Variants in TNFSF13B observed in about 807,000 individuals in gnomAD.
TNFSF13B encodes TNF superfamily member 13b.
A neutral mutation model predicts 29.1 loss-of-function variants in TNFSF13B; 8 were observed. That is an observed-to-expected ratio of 0.27 (90% CI 0.16 to 0.50). The LOEUF is 0.50. Ranked by LOEUF, TNFSF13B falls within the 20% of genes least tolerant of loss-of-function variation. The pLI is 0.98. For synonymous variants in TNFSF13B, 125 were observed against 130.8 expected, an observed-to-expected ratio of 0.96 and a Z score of 0.30; for missense variants, 248 against 334.9, an observed-to-expected ratio of 0.74 and a Z score of 2.03.
chr13:108,287,391 A>C (rs924069873), intron 3 of TNFSF13B, among the ~76,000 whole-genome samples: 1 of 152,238 alleles, frequency 6.6e-6, no homozygotes, highest in Admixed American at 6.5e-5. Context: ...CAGCCATCTC[A>C]GAACTTCTTA....
intron 2 of TNFSF13B, among the ~76,000 whole-genome samples, chr13:108,276,609 T>C (rs1209839663): frequency 6.6e-6 from 1 of 152,144 alleles, no homozygotes; most frequent in Non-Finnish European, 1.5e-5. Flanking sequence ...GGTAAATATG[T>C]TGAAAAAGTG....
At position 108,269,917 on chromosome 13, in the gene TNFSF13B, G is replaced by A. The variant is rs1880561031; in HGVS notation, c.22G>A (p.Glu8Lys). 1.9e-6 allele frequency: 3 copies of A among 1,611,244 alleles called. No homozygotes were observed. Among genetic ancestry groups the A allele is most frequent in the East Asian group, 2.2e-5 (1 of 44,882 alleles). MDDSTER[E>K]QSRLTSCLKK... Reference sequence around the variant, plus strand: ...TGATATGGATGACTCCACAGAAAGGGAGCAGTCACGCCTTACTTCTTGCCT... The same window carrying A: ...TGATATGGATGACTCCACAGAAAGGAAGCAGTCACGCCTTACTTCTTGCCT... The change falls in exon 1 of 6, where the codon GAG becomes AAG. Residue 8 changes from glutamate to lysine, a missense_variant. Around this residue, in one of 2 missense-constraint regions of TNFSF13B, gnomAD observed 186 missense variants for 196.3 expected, o/e 0.95. Coordinates refer to ENST00000375887, the MANE Select transcript of TNFSF13B (RefSeq NM_006573.5).
At chr13:108,278,578 C>CT (rs140270344) in intron 2 of TNFSF13B, among the ~76,000 whole-genome samples, 1 of 1,648 alleles carries the variant, frequency 6.1e-4, no homozygotes, top group Non-Finnish European at 1.3e-3. Context: ...ACCCCCTCCT[C>CT]TCCTCCTCCT....
Position 108,294,939 on chromosome 13 carries a change from T to C in TNFSF13B, c.481+8080T>C, listed in dbSNP as rs954647061. Among the ~76,000 whole-genome samples, 8 of 145,242 alleles carry C rather than the reference T, an allele frequency of 5.5e-5. 1 individual carries two copies. Among genetic ancestry groups the C allele is most frequent in the African/African-American group, 2.1e-4 (8 of 38,590 alleles). ...TATTTTTGAGTCAGTTTTGGTAGTT[T>C]GTGTGTTTCTAGGAATTTGTCCCAT... On this transcript the variant is annotated intron_variant, in intron 3 of 5. Transcript: ENST00000375887.
intron 2 of TNFSF13B, among the ~76,000 whole-genome samples, chr13:108,284,449 C>G (rs549041120): frequency 2.0e-5 from 3 of 152,302 alleles, no homozygotes; most frequent in South Asian, 2.1e-4. Flanking sequence ...CCTTTATCAG[C>G]TGCAGTTGGG....
chr13:108,296,581 A>G lies in TNFSF13B; in HGVS notation c.482-6672A>G. On this transcript the variant is annotated intron_variant, in intron 3 of 5. Transcript: ENST00000375887. ...TTATTTTACCAATCTCTGTATTTTA[A>G]TTGCCAAATTTAAATTTAGCTCATT... Among the ~76,000 whole-genome samples the G allele has an allele frequency of 1.4e-5, 2 of 145,914 alleles. 1 individual carries two copies. Among genetic ancestry groups the G allele is most frequent in the Non-Finnish European group, 3.0e-5 (2 of 65,626 alleles).
chr13:108,271,651 A>G (rs955394167), intron 2 of TNFSF13B, among the ~76,000 whole-genome samples: 1 of 152,186 alleles, frequency 6.6e-6, no homozygotes, highest in Non-Finnish European at 1.5e-5. Context: ...ATTAGGAAAC[A>G]TGCACATTTT....
chr13:108,292,387 T>C (rs1228788853), intron 3 of TNFSF13B, among the ~76,000 whole-genome samples: 2 of 152,148 alleles, frequency 1.3e-5, no homozygotes, highest in African/African-American at 2.4e-5. Context: ...TTTCCACCTT[T>C]TGGCTATTGT....
At chr13:108,290,612 TA>T (rs1487631337) in intron 3 of TNFSF13B, among the ~76,000 whole-genome samples, 2 of 152,162 alleles carry the variant, frequency 1.3e-5, no homozygotes, top group African/African-American at 4.8e-5. Flanking sequence ...CATCTGTTCA[TA>T]TTTTTTTCCA....
chr13:108,284,409 T>C (rs1436771431), intron 2 of TNFSF13B, among the ~76,000 whole-genome samples: 1 of 151,912 alleles, frequency 6.6e-6, no homozygotes. Context: ...ACAAAAGAAA[T>C]AGGAAGTCAT....
intron 3 of TNFSF13B, among the ~76,000 whole-genome samples, chr13:108,292,262 A>T (rs1046367806): frequency 1.6e-4 from 24 of 152,170 alleles, no homozygotes; most frequent in African/African-American, 5.8e-4. Context: ...TTCACTTAGC[A>T]TGATGTTTTG....
At chr13:108,276,055 G>A (rs1345042775) in intron 2 of TNFSF13B, among the ~76,000 whole-genome samples, 1 of 152,172 alleles carries the variant, frequency 6.6e-6, no homozygotes, top group Non-Finnish European at 1.5e-5. Flanking sequence ...CCTTTGCAAG[G>A]AAAGATGAGA....
At chr13:108,281,150 A>C (rs1368879078) in intron 2 of TNFSF13B, among the ~76,000 whole-genome samples, 1 of 152,152 alleles carries the variant, frequency 6.6e-6, no homozygotes, top group Non-Finnish European at 1.5e-5. Context: ...GAAGGCTGGG[A>C]GAATCATGTG....
rs562507247 is a variant in TNFSF13B at position 108,285,525 on chromosome 13, T to C, written c.425-1278T>C. The stretch of plus-strand genomic sequence containing the variant: ...TTACTGTATTGAATATTGTAGGCAA[T>C]TGTATAATAATGCAATGGTAAGTAT... On this transcript the variant is annotated intron_variant, in intron 2 of 5. Coordinates refer to ENST00000375887, the MANE Select transcript of TNFSF13B (RefSeq NM_006573.5). 2.0e-5 allele frequency among the ~76,000 whole-genome samples: 3 copies of C among 152,318 alleles called. No individual in the cohort carries two copies. In the East Asian group the frequency reaches 5.8e-4, roughly 29 times the overall value.
At chr13:108,294,705 A>G (rs1881420295) in intron 3 of TNFSF13B, among the ~76,000 whole-genome samples, 1 of 109,444 alleles carries the variant, frequency 9.1e-6, no homozygotes, top group Admixed American at 8.2e-5. Context: ...TGGCATTGAT[A>G]TCAGTGTAAC....
chr13:108,289,083 A>G (rs1881227750), intron 3 of TNFSF13B, among the ~76,000 whole-genome samples: 1 of 143,868 alleles, frequency 7.0e-6, no homozygotes, highest in Non-Finnish European at 1.5e-5. Context: ...TAAGAAGTAA[A>G]AGAAAGCCAG....
chr13:108,299,495 G>A (rs1170498406), intron 3 of TNFSF13B, among the ~76,000 whole-genome samples: 1 of 125,222 alleles, frequency 8.0e-6, no homozygotes, highest in South Asian at 2.3e-4. Flanking sequence ...TTTTTTTTTT[G>A]TTTGCCTAGA....
intron 5 of TNFSF13B, among the ~76,000 whole-genome samples, chr13:108,305,326 A>G (rs1881741472): frequency 6.6e-6 from 1 of 152,172 alleles, no homozygotes; most frequent in Non-Finnish European, 1.5e-5. Context: ...ATAATACCAA[A>G]GAACCACTTA....
intron 5 of TNFSF13B, among the ~76,000 whole-genome samples, chr13:108,305,539 A>G (rs1202235147): frequency 6.6e-6 from 1 of 152,104 alleles, no homozygotes; most frequent in Non-Finnish European, 1.5e-5. Context: ...TCTTTGTCAA[A>G]ATGTTAGGTC....
Sources: gnomAD v4.1 joint callset for allele counts (sites outside exome capture counted in the v4.1 genomes callset) on GRCh38, gnomAD v4.1.1 for gene constraint, gnomAD v4.1.1 regional missense constraint, MANE v1.5 for transcripts, NCBI Gene and HGNC (gene_info 2026-07-23, HGNC 2026-07-21) for gene names.